Variants in BMPR2 observed in about 807,000 individuals in gnomAD.
BMPR2 encodes the protein bone morphogenetic protein receptor type-2.
In BMPR2, 29 loss-of-function variants were observed where a neutral mutation model predicts 100.8. That is an observed-to-expected ratio of 0.29 (90% CI 0.21 to 0.39). The LOEUF (loss-of-function observed/expected upper bound fraction) is 0.39, where lower values mean the gene tolerates loss of function less well. Among genes scored for constraint, BMPR2 ranks in the 10% least tolerant of loss-of-function variants. The pLI, the probability that BMPR2 is intolerant of heterozygous loss-of-function variation, is 1.00. For missense variants in BMPR2, 1,011 were observed against 1,274.5 expected, an observed-to-expected ratio of 0.79 and a Z score of 3.15; for synonymous variants, 382 against 442.3, an observed-to-expected ratio of 0.86 and a Z score of 1.71.
chr2:202,383,553 G>A (rs1362510663), intron 1 of BMPR2, among the ~76,000 whole-genome samples: 1 of 151,962 alleles, frequency 6.6e-6, no homozygotes, highest in African/African-American at 2.4e-5. Context: ...GGTGGCACAT[G>A]CCTGTAATCC....
intron 3 of BMPR2, among the ~76,000 whole-genome samples, chr2:202,496,836 C>G (rs1295841149): frequency 6.6e-6 from 1 of 152,268 alleles, no homozygotes; most frequent in Non-Finnish European, 1.5e-5. Flanking sequence ...CAGCCCACCA[C>G]TGCACTGTGG....
At chr2:202,437,930 C>T (rs1287651642) in intron 1 of BMPR2, among the ~76,000 whole-genome samples, 1 of 148,336 alleles carries the variant, frequency 6.7e-6, no homozygotes, top group South Asian at 2.1e-4. Flanking sequence ...TGAGTATTAA[C>T]GTACAAATTT....
intron 1 of BMPR2, among the ~76,000 whole-genome samples, chr2:202,380,865 C>T (rs1448533510): frequency 3.3e-5 from 5 of 150,938 alleles, no homozygotes; most frequent in Non-Finnish European, 7.4e-5. Context: ...GTGATCTGCC[C>T]GCCTCGGCCT....
chr2:202,474,538 T>G (rs1692501414), intron 3 of BMPR2, among the ~76,000 whole-genome samples: 2 of 152,150 alleles, frequency 1.3e-5, no homozygotes, highest in African/African-American at 2.4e-5. Flanking sequence ...TTTATTTTTT[T>G]GAGGCGGAGT....
intron 1 of BMPR2, among the ~76,000 whole-genome samples, chr2:202,421,143 C>T (rs918056138): frequency 7.3e-5 from 11 of 151,672 alleles, no homozygotes; most frequent in Non-Finnish European, 1.5e-4. Flanking sequence ...CCCAGGTACC[C>T]GGGAGGCTGA....
At position 202,561,414 on chromosome 2, in the gene BMPR2, T is replaced by C. The variant is rs1417722800; in HGVS notation, c.*1468T>C. ...ATTATTTTTAAAAGCCCTTTGCTTC[T>C]TTCATTACTTATAATCTCCTCTAAA... is the stretch of plus-strand genomic sequence containing the variant. On this transcript the variant is annotated 3_prime_UTR_variant, in exon 13 of 13. Coordinates refer to ENST00000374580, the MANE Select transcript of BMPR2 (RefSeq NM_001204.7). The C allele has an allele frequency of 6.6e-6, 1 of 152,174 alleles. No individual in the cohort carries two copies. The highest frequency in any genetic ancestry group is 2.4e-5 in the African/African-American group (1 of 41,468). The allele number at this position is 152,174 out of a possible 1,614,324, so 9.4% of individuals were successfully genotyped here.
intron 1 of BMPR2, among the ~76,000 whole-genome samples, chr2:202,446,030 T>C (rs1209877865): frequency 6.7e-6 from 1 of 150,336 alleles, no homozygotes; most frequent in Admixed American, 6.6e-5. Flanking sequence ...CATCTTGGCC[T>C]CCCAAAGTGC....
At chr2:202,535,718 G>C (rs1210975350) in intron 9 of BMPR2, among the ~76,000 whole-genome samples, 1 of 152,200 alleles carries the variant, frequency 6.6e-6, no homozygotes, top group African/African-American at 2.4e-5. Context: ...CAGCACTTTG[G>C]GAGGCCAAGG....
Position 202,377,243 on chromosome 2 carries a change from C to T in BMPR2, c.-232C>T. 3.2e-6 allele frequency: 2 copies of T among 615,936 alleles called. No homozygotes were observed. The highest frequency in any genetic ancestry group is 5.9e-6 in the Non-Finnish European group (2 of 340,940). The allele number at this position is 615,936 out of a possible 1,614,324, so 38.2% of individuals were successfully genotyped here. A position where few individuals can be genotyped will look rare whatever the true frequency, so the allele number is the denominator to read the frequency against. On this transcript the variant is annotated 5_prime_UTR_variant, in exon 1 of 13. Coordinates refer to ENST00000374580, the MANE Select transcript of BMPR2 (RefSeq NM_001204.7). ...CGTTTGGAGGGCCGCGGCACCCCGT[C>T]CGAGGCGAAGGAACCCCCCCAGCCG... is the stretch of plus-strand genomic sequence containing the variant.
At chr2:202,420,022 A>G (rs1240274916) in intron 1 of BMPR2, among the ~76,000 whole-genome samples, 1 of 152,124 alleles carries the variant, frequency 6.6e-6, no homozygotes, top group East Asian at 1.9e-4. Flanking sequence ...AAAATTAAAA[A>G]AATCCCAAAG....
Position 202,560,816 on chromosome 2 carries a change from C to T in BMPR2, c.*870C>T. ...AGAGAGAATAGAACAAAATACAGGA[C>T]ATCAAATATTAGCCATTTCCCATTT... On this transcript the variant is annotated 3_prime_UTR_variant, in exon 13 of 13. Transcript: ENST00000374580. The T allele has an allele frequency of 6.6e-6, 1 of 152,430 alleles. No individual in the cohort carries two copies. The highest frequency in any genetic ancestry group is 1.5e-5 in the Non-Finnish European group (1 of 68,010). 9.4% of individuals were successfully genotyped at this position (152,430 alleles called of 1,614,324 possible).
intron 7 of BMPR2, among the ~76,000 whole-genome samples, chr2:202,521,838 A>C (rs1249895709): frequency 6.6e-6 from 1 of 152,138 alleles, no homozygotes; most frequent in Admixed American, 6.6e-5. Context: ...ATTTTAAAGA[A>C]AAAAATATAA....
rs752989722 is a variant in BMPR2 at position 202,404,578 on chromosome 2, G to A, written c.76+27028G>A. ...TCATAGTTTATTTTATGAATTAATA[G>A]TTAATGAACATCAGATATTGGTGAT... On this transcript the variant is annotated intron_variant, in intron 1 of 12. Transcript: ENST00000374580. Among the ~76,000 whole-genome samples the A allele has an allele frequency of 4.6e-5, 7 of 152,232 alleles. No homozygotes were observed. The South Asian group carries it at 6.2e-4, about 14-fold the overall frequency.
chr2:202,454,370 C>T (rs1276464382), intron 1 of BMPR2, among the ~76,000 whole-genome samples: 1 of 152,114 alleles, frequency 6.6e-6, no homozygotes, highest in Non-Finnish European at 1.5e-5. Context: ...TGCACCCAGC[C>T]CTGAATATGT....
rs771255805 is a variant in BMPR2, at chr2:202,376,542, G to GGCGGCGGCGGCGGCA, written c.-928_-927insGGCGGCGGCAGCGGC. On this transcript the variant is annotated 5_prime_UTR_variant, in exon 1 of 13. Transcript: ENST00000374580. ...CGGCGGCGGCGGCGGCGGCGGCGGC[G>GGCGGCGGCGGCGGCA]GCGGCAGCAGCAGCGGCTTCCTCGG... Among the ~76,000 whole-genome samples, 162 of 141,512 alleles carry GGCGGCGGCGGCGGCA rather than the reference G, an allele frequency of 1.1e-3. No individual in the cohort carries two copies. Among genetic ancestry groups the GGCGGCGGCGGCGGCA allele is most frequent in the Non-Finnish European group, 1.4e-3 (90 of 65,222 alleles). 92.8% of individuals were successfully genotyped at this position (141,512 alleles called of 152,430 possible).
At chr2:202,442,271 A>G (rs1427940417) in intron 1 of BMPR2, among the ~76,000 whole-genome samples, 5 of 148,590 alleles carry the variant, frequency 3.4e-5, no homozygotes, top group African/African-American at 1.3e-4. Context: ...TTCCACACAC[A>G]CTCCCCTATC....
chr2:202,417,824 T>C (rs550823024), intron 1 of BMPR2, among the ~76,000 whole-genome samples: 2 of 151,828 alleles, frequency 1.3e-5, no homozygotes, highest in Admixed American at 1.3e-4. Context: ...GTTCATGCCA[T>C]TCTTCCGCCT....
chr2:202,527,030 A>C (rs1302629504), intron 7 of BMPR2, among the ~76,000 whole-genome samples: 1 of 152,008 alleles, frequency 6.6e-6, no homozygotes, highest in Non-Finnish European at 1.5e-5. Context: ...TGCTGGGCTA[A>C]TTTTTTGTAT....
At chr2:202,501,365 G>A (rs1687387335) in intron 3 of BMPR2, among the ~76,000 whole-genome samples, 1 of 152,188 alleles carries the variant, frequency 6.6e-6, no homozygotes, top group Non-Finnish European at 1.5e-5. Context: ...AACCCAGAAG[G>A]CAAATACTCA....
Sources: allele counts gnomAD v4.1 joint callset (sites outside exome capture counted in the v4.1 genomes callset), GRCh38; gene constraint gnomAD v4.1.1; transcripts MANE v1.5; gene names NCBI Gene and HGNC (gene_info 2026-07-23, HGNC 2026-07-21).